Variants in ZNF346 observed in about 807,000 individuals in gnomAD.
ZNF346 encodes the protein zinc finger protein 346, also known as double-stranded RNA-binding zinc finger protein JAZ.
In ZNF346, 23 loss-of-function variants were observed where a neutral mutation model predicts 33.7. The observed-to-expected ratio is 0.68, with a 90% CI of 0.49 to 0.97. The LOEUF is 0.97. ZNF346 is among the 50% of genes least tolerant of loss of function. The probability of loss-of-function intolerance (pLI) is 0.00; values close to 1 mark genes in which losing one functional copy is unlikely to be tolerated. For synonymous variants in ZNF346, 134 were observed against 142.4 expected, an observed-to-expected ratio of 0.94 and a Z score of 0.42; for missense variants, 340 against 371.1, an observed-to-expected ratio of 0.92 and a Z score of 0.69.
chr5:177,037,415 A>G (rs1778654861), intron 1 of ZNF346, among the ~76,000 whole-genome samples: 1 of 152,074 alleles, frequency 6.6e-6, no homozygotes, highest in African/African-American at 2.4e-5. Context: ...TCTCCAACTC[A>G]TCTCCACCTA....
chr5:177,027,552 C>T (rs1776973445), intron 1 of ZNF346, among the ~76,000 whole-genome samples: 1 of 144,338 alleles, frequency 6.9e-6, no homozygotes, highest in African/African-American at 2.6e-5. Context: ...TGCCACTGCA[C>T]TCCAGTCTAG....
chr5:177,072,465 G>A (rs1224994877), downstream of ZNF346, among the ~76,000 whole-genome samples: 1 of 152,118 alleles, frequency 6.6e-6, no homozygotes, highest in Admixed American at 6.6e-5. Context: ...CTGATTCCAG[G>A]AGTGAGCCTG....
rs575582571 is a variant in ZNF346 at position 177,077,904 on chromosome 5, T to C, written c.*3-1478T>C. ...GCTCACGCCTGTAATCCCAGCACTT[T>C]GGGAGGCCGAGGCAGGTGGATCACC... is the stretch of plus-strand genomic sequence containing the variant. On this transcript the variant is annotated intron_variant, in intron 8 of 8. Transcript: ENST00000503039. This position sits in a 1 kb window ranked among gnomAD's most constrained non-coding sequence, Gnocchi z 5.0. 1.5e-3 allele frequency among the ~76,000 whole-genome samples: 225 copies of C among 152,190 alleles called. No individual in the cohort carries two copies. The highest frequency in any genetic ancestry group is 2.8e-3 in the Non-Finnish European group (193 of 67,998).
rs1435697240 is a variant in ZNF346 at position 177,065,857 on chromosome 5, G to A, written c.*1258G>A. On this transcript the variant is annotated 3_prime_UTR_variant, in exon 7 of 7. Coordinates refer to ENST00000358149, the MANE Select transcript of ZNF346 (RefSeq NM_012279.4). ...GCCTTTGCTTTGCATATTGTGTGTG[G>A]ATGTGTGTGTGTGTGTGTGTGTGTT... is the stretch of plus-strand genomic sequence containing the variant. 8.6e-6 allele frequency: 1 copy of A among 116,112 alleles called. No homozygotes were observed. Among genetic ancestry groups the A allele is most frequent in the East Asian group, 2.6e-4 (1 of 3,918 alleles). 7.2% of individuals were successfully genotyped at this position (116,112 alleles called of 1,614,324 possible).
intron 1 of ZNF346, among the ~76,000 whole-genome samples, chr5:177,030,419 G>T (rs1561967047): frequency 6.6e-6 from 1 of 151,008 alleles, no homozygotes; most frequent in Non-Finnish European, 1.5e-5. Context: ...AGGAGTTCAA[G>T]ACCAGCATGG....
chr5:177,069,296 A>C (rs935275148), downstream of ZNF346, among the ~76,000 whole-genome samples: 3 of 151,698 alleles, frequency 2.0e-5, no homozygotes, highest in Non-Finnish European at 4.4e-5. Flanking sequence ...GTCTCTACTA[A>C]AAATACAAAA....
intron 4 of ZNF346, among the ~76,000 whole-genome samples, chr5:177,047,510 G>A (rs1425700350): frequency 6.6e-6 from 1 of 151,026 alleles, no homozygotes; most frequent in East Asian, 2.0e-4. Flanking sequence ...GGCTAATGTT[G>A]TTTTTTTGTT....
intron 4 of ZNF346, 126 bp downstream of exon 4, chr5:177,044,659 C>G (rs1581866442): frequency 3.0e-6 from 3 of 1,000,274 alleles, no homozygotes; most frequent in Non-Finnish European, 4.4e-6. Context: ...TTTGAGAACC[C>G]TTAAAAATCT....
At chr5:177,044,327 C>T in intron 3 of ZNF346, 62 bp from the exon 4 acceptor site, 6 of 1,599,552 alleles carry the variant, frequency 3.8e-6, no homozygotes, top group Non-Finnish European at 5.1e-6. Flanking sequence ...CAGTGGGGAA[C>T]CATTGAAGAT....
chr5:177,075,859 G>A (rs1027653262), intron 8 of ZNF346, among the ~76,000 whole-genome samples: 5 of 151,990 alleles, frequency 3.3e-5, no homozygotes, highest in Admixed American at 2.0e-4. Flanking sequence ...GCTAATTTTT[G>A]TACTTTTAAT....
chr5:177,032,274 G>A (rs1448518711), intron 1 of ZNF346, among the ~76,000 whole-genome samples: 1 of 151,814 alleles, frequency 6.6e-6, no homozygotes, highest in Non-Finnish European at 1.5e-5. Flanking sequence ...AAAGTGCTGG[G>A]ATTACAGGCG....
At chr5:177,056,030 C>G (rs1351256426) in intron 5 of ZNF346, among the ~76,000 whole-genome samples, 1 of 145,154 alleles carries the variant, frequency 6.9e-6, no homozygotes, top group Non-Finnish European at 1.5e-5. Context: ...GAGCCAAGAT[C>G]GTGTCACTGC....
intron 4 of ZNF346, among the ~76,000 whole-genome samples, chr5:177,045,410 A>G (rs1779903265): frequency 6.6e-6 from 1 of 151,906 alleles, no homozygotes; most frequent in African/African-American, 2.4e-5. Context: ...GTTAGAGTGC[A>G]GTGGCATGAT....
chr5:177,052,172 ATT>A (rs772764834), intron 5 of ZNF346, among the ~76,000 whole-genome samples: 7 of 142,808 alleles, frequency 4.9e-5, no homozygotes, highest in African/African-American at 1.0e-4. Flanking sequence ...CAAAAAAACA[ATT>A]TTTTTTTTTT....
At chr5:177,047,307 T>C (rs1344689699) in intron 4 of ZNF346, among the ~76,000 whole-genome samples, 2 of 151,662 alleles carry the variant, frequency 1.3e-5, no homozygotes, top group Non-Finnish European at 2.9e-5. Context: ...CCGTATGGTA[T>C]GTACAATTGC....
intron 1 of ZNF346, among the ~76,000 whole-genome samples, chr5:177,033,251 A>AT (rs1441416504): frequency 2.6e-5 from 4 of 151,660 alleles, no homozygotes; most frequent in African/African-American, 4.8e-5. Flanking sequence ...TAATTTTTTA[A>AT]TTTTTTTTGT....
rs550401004 is a variant in ZNF346 at position 177,050,550 on chromosome 5, A to G, written c.518-201A>G. 3.2e-4 allele frequency among the ~76,000 whole-genome samples: 48 copies of G among 152,312 alleles called. 1 individual carries two copies. The highest frequency in any genetic ancestry group is 1.1e-3 in the African/African-American group (47 of 41,576). On this transcript the variant is annotated intron_variant, in intron 4 of 6. Transcript: ENST00000358149. ...CCCTCAAATCTTCCCAGGTTTCCCA[A>G]TTAGAGAATGCATTCACCTGTGTGA...
At chr5:177,079,746 A>C (rs1395590022) in exon 9 of ZNF346, 1 of 152,378 alleles carries the variant, frequency 6.6e-6, no homozygotes, top group African/African-American at 2.4e-5. Context: ...CCTGGAGACC[A>C]CCAACCCTCT....
At chr5:177,047,398 C>T (rs1388612499) in intron 4 of ZNF346, among the ~76,000 whole-genome samples, 1 of 149,936 alleles carries the variant, frequency 6.7e-6, no homozygotes, top group African/African-American at 2.5e-5. Context: ...AGTGAAATGG[C>T]GCAATCTCAG....
Sources: gnomAD v4.1 joint callset for allele counts (sites outside exome capture counted in the v4.1 genomes callset) on GRCh38, gnomAD v4.1.1 for gene constraint, Gnocchi (gnomAD v3.1) non-coding constraint, MANE v1.5 for transcripts, NCBI Gene and HGNC (gene_info 2026-07-23, HGNC 2026-07-21) for gene names.